The following MAPK10 variants were observed in gnomAD, a reference collection of about 807,000 sequenced individuals.
MAPK10 encodes mitogen-activated protein kinase 10, also known as JNK3 alpha protein kinase.
Under a neutral mutation model 59.3 loss-of-function variants are expected in MAPK10, and 25 were observed. The observed-to-expected ratio is 0.42, with a 90% CI of 0.31 to 0.59. MAPK10 has a LOEUF of 0.59. Among genes scored for constraint, MAPK10 ranks in the 20% least tolerant of loss-of-function variants. MAPK10 has a pLI of 0.15. For synonymous variants in MAPK10, 190 were observed against 200.5 expected (o/e 0.95, Z 0.44); for missense variants, 351 against 568.9 (o/e 0.62, Z 3.90).
chr4:86,013,270 G>A lies in MAPK10; in HGVS notation c.*3958C>T, dbSNP rs1323734935. 1 of 152,148 alleles carries A rather than the reference G, an allele frequency of 6.6e-6. No homozygotes were observed. The highest frequency in any genetic ancestry group is 1.9e-4 in the East Asian group (1 of 5,190). 9.4% of individuals were successfully genotyped at this position (152,148 alleles called of 1,614,324 possible). On this transcript the variant is annotated 3_prime_UTR_variant, in exon 14 of 14. Coordinates refer to ENST00000641462, the MANE Select transcript of MAPK10 (RefSeq NM_138982.4). ...GCAACTTTTTTGTTGTTTTTACAGAGAGGAGTTTCCTTGCTTGGCTTAATG... is the reference window on the plus strand; with the variant it reads ...GCAACTTTTTTGTTGTTTTTACAGAAAGGAGTTTCCTTGCTTGGCTTAATG...
chr4:86,576,253 CTAAGA>C (rs1455765760), intron 1 of MAPK10, among the ~76,000 whole-genome samples: 3 of 151,932 alleles, frequency 2.0e-5, no homozygotes, highest in African/African-American at 7.3e-5. Flanking sequence ...AAGATGACAT[CTAAGA>C]TATTTCTCAG....
At chr4:86,343,064 G>A (rs1009126716) in intron 2 of MAPK10, among the ~76,000 whole-genome samples, 4 of 152,004 alleles carry the variant, frequency 2.6e-5, no homozygotes, top group African/African-American at 7.2e-5. Flanking sequence ...CATAAGCCAC[G>A]CAAGCCTAAA....
chr4:86,420,000 G>T (rs935760195), intron 1 of MAPK10, among the ~76,000 whole-genome samples: 10 of 152,130 alleles, frequency 6.6e-5, no homozygotes, highest in Admixed American at 2.0e-4. Flanking sequence ...CTAAAATCCT[G>T]AATGTCAGTG....
intron 2 of MAPK10, among the ~76,000 whole-genome samples, chr4:86,340,738 A>C (rs1365941611): frequency 6.6e-6 from 1 of 152,176 alleles, no homozygotes; most frequent in Non-Finnish European, 1.5e-5. Context: ...CAGATAGAGG[A>C]TAACAATTTT....
intron 2 of MAPK10, among the ~76,000 whole-genome samples, chr4:86,251,145 T>TTTTTATTTTA (rs71657510): frequency 1.3e-5 from 2 of 151,196 alleles, no homozygotes; most frequent in East Asian, 1.9e-4. Context: ...TAGAACATCG[T>TTTTTATTTTA]TTTTATTTTA....
intron 3 of MAPK10, among the ~76,000 whole-genome samples, chr4:86,185,503 G>C (rs1356582220): frequency 6.6e-6 from 1 of 152,104 alleles, no homozygotes; most frequent in East Asian, 1.9e-4. Context: ...GAGATAGGAA[G>C]ACATTGAAAG....
intron 4 of MAPK10, chr4:86,124,675 A>G (rs1396307253): frequency 2.0e-4 from 31 of 152,084 alleles, no homozygotes; most frequent in Non-Finnish European, 2.9e-5. Context: ...TCTCAAAGAC[A>G]GGATAAGATT....
At chr4:86,096,850 A>C (rs2054311995) in intron 9 of MAPK10, among the ~76,000 whole-genome samples, 1 of 152,020 alleles carries the variant, frequency 6.6e-6, no homozygotes, top group African/African-American at 2.4e-5. Flanking sequence ...TCTAATGGTG[A>C]AAATGATACT....
At chr4:86,203,406 C>T (rs983576183) in intron 2 of MAPK10, among the ~76,000 whole-genome samples, 2 of 151,584 alleles carry the variant, frequency 1.3e-5, no homozygotes, top group Non-Finnish European at 2.9e-5. Context: ...TGAGATGTGT[C>T]AACTAAACCA....
intron 9 of MAPK10, among the ~76,000 whole-genome samples, chr4:86,083,512 A>C (rs1048641564): frequency 1.7e-4 from 26 of 152,138 alleles, no homozygotes; most frequent in South Asian, 2.1e-4. Context: ...GCCAGAGGGG[A>C]ATCGCCAATC....
chr4:86,289,648 T>A (rs1017312128), intron 2 of MAPK10, among the ~76,000 whole-genome samples: 6 of 149,970 alleles, frequency 4.0e-5, no homozygotes, highest in Admixed American at 2.7e-4. Context: ...TAATATTATA[T>A]GTATGTTATA....
At position 86,379,954 on chromosome 4, in the gene MAPK10, G is replaced by A. The variant is rs760182159; in HGVS notation, c.-121-25310C>T. On this transcript the variant is annotated intron_variant, in intron 1 of 13. Coordinates refer to the MAPK10 transcript ENST00000361569. ...CATTTCCTATTAAAACCTGGTTTTC[G>A]GCAGGGCGCAGTGGCTCATGCCTGT... is the stretch of plus-strand genomic sequence containing the variant. Among the ~76,000 whole-genome samples the A allele has an allele frequency of 5.9e-5, 9 of 152,162 alleles. No homozygotes were observed. The South Asian group carries it at 1.2e-3, about 21-fold the overall frequency.
intron 2 of MAPK10, among the ~76,000 whole-genome samples, chr4:86,331,447 A>C (rs1204219456): frequency 3.9e-5 from 6 of 152,154 alleles, no homozygotes; most frequent in Admixed American, 3.9e-4. Flanking sequence ...TATGAGCATA[A>C]TTACAGAGTT....
chr4:86,072,218 C>A (rs2048180871), intron 9 of MAPK10, among the ~76,000 whole-genome samples: 1 of 150,258 alleles, frequency 6.7e-6, no homozygotes, highest in Non-Finnish European at 1.5e-5. Flanking sequence ...TATAAGAATG[C>A]TTGTGATTTT....
chr4:86,567,459 A>G (rs1199348070), intron 1 of MAPK10, among the ~76,000 whole-genome samples: 2 of 152,208 alleles, frequency 1.3e-5, no homozygotes, highest in African/African-American at 4.8e-5. Flanking sequence ...ACCTCAGGTG[A>G]TCCACCCGCC....
At chr4:86,264,771 C>T (rs970176150) in intron 2 of MAPK10, among the ~76,000 whole-genome samples, 1 of 152,018 alleles carries the variant, frequency 6.6e-6, no homozygotes, top group Non-Finnish European at 1.5e-5. Flanking sequence ...TTGTCAAATT[C>T]ACATTTGTGC....
chr4:86,082,233 T>C (rs2050812404), intron 9 of MAPK10: 2 of 152,188 alleles, frequency 1.3e-5, no homozygotes, highest in Non-Finnish European at 2.9e-5. Flanking sequence ...GTGGAGCACA[T>C]AAAAATATTT....
At chr4:86,068,009 C>T (rs2047069745) in intron 9 of MAPK10, 54 bp from the exon 10 acceptor site, 1 of 1,221,042 alleles carries the variant, frequency 8.2e-7, no homozygotes, top group Non-Finnish European at 1.1e-6. Context: ...AGCCTTTCAA[C>T]AATTGGGAGA....
chr4:86,543,248 C>A (rs1200945552), intron 1 of MAPK10, among the ~76,000 whole-genome samples: 1 of 152,160 alleles, frequency 6.6e-6, no homozygotes, highest in Non-Finnish European at 1.5e-5. Flanking sequence ...AGAGACCAAA[C>A]TAGCAATTTT....
Sources: gnomAD v4.1 joint callset for allele counts (sites outside exome capture counted in the v4.1 genomes callset) on GRCh38, gnomAD v4.1.1 for gene constraint, MANE v1.5 for transcripts, NCBI Gene and HGNC (gene_info 2026-07-23, HGNC 2026-07-21) for gene names.